CACNA1A: variants seen among roughly 807,000 people sequenced by gnomAD.
CACNA1A encodes calcium voltage-gated channel subunit alpha1 A.
In CACNA1A, 57 loss-of-function variants were observed where a neutral mutation model predicts 262.4. The observed-to-expected ratio is 0.22, with a 90% CI of 0.18 to 0.27. The LOEUF (loss-of-function observed/expected upper bound fraction) is 0.27. CACNA1A is among the 10% of genes least tolerant of loss of function. The probability of loss-of-function intolerance (pLI) is 1.00; values close to 1 mark genes in which losing one functional copy is unlikely to be tolerated. For missense variants in CACNA1A, 2,526 were observed against 3,562.8 expected (o/e 0.71, Z 7.41); for synonymous variants, 1,431 against 1,419.3 (o/e 1.01, Z -0.18).
In CACNA1A at chr19:13,326,548, G is replaced by A. The variant is rs776332889; in HGVS notation, c.1345+3696C>T. ...CGCCTGTAATCCCACTGCTTTGGGAGGTGGAGGTAGGAGGATTGTTTGAGG... is the reference window on the plus strand; with the variant it reads ...CGCCTGTAATCCCACTGCTTTGGGAAGTGGAGGTAGGAGGATTGTTTGAGG... On this transcript the variant is annotated intron_variant, in intron 10 of 46. Coordinates refer to ENST00000360228, the MANE Select transcript of CACNA1A (RefSeq NM_001127222.2). Among the ~76,000 whole-genome samples, 5 of 152,126 alleles carry A rather than the reference G, an allele frequency of 3.3e-5. No individual in the cohort carries two copies. The South Asian group carries it at 6.2e-4, about 19-fold the overall frequency.
chr19:13,454,780 C>T (rs1354101159), intron 2 of CACNA1A, among the ~76,000 whole-genome samples: 5 of 151,940 alleles, frequency 3.3e-5, no homozygotes, highest in African/African-American at 1.2e-4. Flanking sequence ...TAGTGAGATC[C>T]CCATCTCTAC....
intron 30 of CACNA1A, among the ~76,000 whole-genome samples, chr19:13,248,212 C>A (rs1292756155): frequency 6.6e-6 from 1 of 152,018 alleles, no homozygotes; most frequent in Non-Finnish European, 1.5e-5. Flanking sequence ...TCACAGACCT[C>A]AACCCCTAGG....
intron 1 of CACNA1A, among the ~76,000 whole-genome samples, chr19:13,503,720 G>A (rs2145182991): frequency 6.6e-6 from 1 of 151,066 alleles, no homozygotes; most frequent in East Asian, 2.0e-4. Context: ...ATTGTGAGGT[G>A]GGGAGTTTTC....
chr19:13,459,546 C>T (rs1338002922), intron 1 of CACNA1A, among the ~76,000 whole-genome samples: 2 of 152,208 alleles, frequency 1.3e-5, no homozygotes, highest in Non-Finnish European at 2.9e-5. Flanking sequence ...GCATTAGGAG[C>T]CCAGAGAACA....
intron 37 of CACNA1A, chr19:13,225,172 C>A: frequency 5.7e-6 from 1 of 175,626 alleles, no homozygotes; most frequent in Non-Finnish European, 1.2e-5. Flanking sequence ...GCTGAGGGGG[C>A]CAGGACCACA....
At chr19:13,330,176 C>T (rs2058442429) in intron 10 of CACNA1A, 68 bp downstream of exon 10, 18 of 1,190,684 alleles carry the variant, frequency 1.5e-5, no homozygotes, top group Non-Finnish European at 1.8e-5. Flanking sequence ...GCCCTCTGCC[C>T]CCACCCCACC....
intron 6 of CACNA1A, among the ~76,000 whole-genome samples, chr19:13,349,689 C>T (rs2058870819): frequency 6.6e-6 from 1 of 152,196 alleles, no homozygotes; most frequent in Non-Finnish European, 1.5e-5. Flanking sequence ...AGGATGTTGA[C>T]ACTGAGTGAG....
intron 30 of CACNA1A, among the ~76,000 whole-genome samples, chr19:13,249,810 A>C (rs2056348212): frequency 1.1e-5 from 1 of 92,064 alleles, no homozygotes; most frequent in Non-Finnish European, 2.1e-5. Context: ...ATATAGGACG[A>C]GGCAAGATCT....
intron 40 of CACNA1A, chr19:13,213,641 A>G (rs2054896175): frequency 6.7e-6 from 1 of 148,784 alleles, no homozygotes; most frequent in African/African-American, 2.5e-5. Context: ...TGAATGAAGA[A>G]TGAATCCACA....
At chr19:13,336,597 G>GAGAGAGGGAGAC (rs2058574777) in intron 6 of CACNA1A, among the ~76,000 whole-genome samples, 1 of 102,986 alleles carries the variant, frequency 9.7e-6, no homozygotes, top group African/African-American at 4.7e-5. Context: ...GAGAGAGGGA[G>GAGAGAGGGAGAC]AGAGAGAGAG....
chr19:13,471,135 A>G (rs1250489574), intron 1 of CACNA1A, among the ~76,000 whole-genome samples: 5 of 152,110 alleles, frequency 3.3e-5, no homozygotes, highest in Non-Finnish European at 5.9e-5. Flanking sequence ...ACCTTCTCAT[A>G]TAAAAGCACT....
At chr19:13,473,747 T>TCCCCCCCCCCC (rs199671109) in intron 1 of CACNA1A, among the ~76,000 whole-genome samples, 2 of 67,460 alleles carry the variant, frequency 3.0e-5, no homozygotes, top group African/African-American at 7.0e-5. Flanking sequence ...CATGGCAGGC[T>TCCCCCCCCCCC]CCCCCCCACC....
intron 1 of CACNA1A, among the ~76,000 whole-genome samples, chr19:13,464,757 C>T (rs904403893): frequency 1.3e-5 from 2 of 151,486 alleles, no homozygotes; most frequent in African/African-American, 2.4e-5. Context: ...ACCGTGTTAG[C>T]CAGGGTGGTC....
At chr19:13,429,144 C>T (rs148267257) in intron 3 of CACNA1A, among the ~76,000 whole-genome samples, 18 of 149,830 alleles carry the variant, frequency 1.2e-4, no homozygotes, top group Middle Eastern at 6.8e-3. Flanking sequence ...CATTTCTCCC[C>T]CTCCAGCCTC....
intron 6 of CACNA1A, among the ~76,000 whole-genome samples, chr19:13,357,551 C>T (rs1474084317): frequency 6.6e-6 from 1 of 152,170 alleles, no homozygotes; most frequent in African/African-American, 2.4e-5. Flanking sequence ...TTGTGGCATC[C>T]TTGTGTTTGA....
At chr19:13,268,028 G>T (rs55969070) in intron 24 of CACNA1A, among the ~76,000 whole-genome samples, 1 of 151,682 alleles carries the variant, frequency 6.6e-6, no homozygotes, top group African/African-American at 2.4e-5. Flanking sequence ...CTCCCAGAGC[G>T]CTGGGATTAC....
At chr19:13,368,766 C>T (rs1418887095) in intron 4 of CACNA1A, among the ~76,000 whole-genome samples, 2 of 129,076 alleles carry the variant, frequency 1.5e-5, no homozygotes, top group Non-Finnish European at 1.5e-5. Flanking sequence ...TGGCCGGGCG[C>T]GGTGGCTCAC....
intron 1 of CACNA1A, among the ~76,000 whole-genome samples, chr19:13,463,975 T>C (rs1467956787): frequency 2.6e-5 from 4 of 152,148 alleles, no homozygotes; most frequent in African/African-American, 9.7e-5. Flanking sequence ...ACCTCATAGG[T>C]TGTGTGAGAA....
chr19:13,417,287 G>A (rs974540896), intron 3 of CACNA1A, among the ~76,000 whole-genome samples: 1 of 152,182 alleles, frequency 6.6e-6, no homozygotes, highest in Non-Finnish European at 1.5e-5. Flanking sequence ...GTGCACGCTC[G>A]GTATGTGGGT....
Sources: gnomAD v4.1 joint callset for allele counts (sites outside exome capture counted in the v4.1 genomes callset) on GRCh38, gnomAD v4.1.1 for gene constraint, MANE v1.5 for transcripts, NCBI Gene and HGNC (gene_info 2026-07-23, HGNC 2026-07-21) for gene names.